The following MNAT1 variants were observed in gnomAD, a reference collection of about 807,000 sequenced individuals.
The protein encoded by MNAT1 is CDK-activating kinase assembly factor MAT1.
MNAT1 carries 43 observed loss-of-function variants against 42.0 expected under a neutral mutation model. That is an observed-to-expected ratio of 1.02 (90% CI 0.80 to 1.32). MNAT1 has a LOEUF of 1.32. MNAT1 is among the 40% of genes most tolerant of loss of function. The probability of loss-of-function intolerance (pLI) is 0.00; values close to 1 mark genes in which losing one functional copy is unlikely to be tolerated. For synonymous variants in MNAT1, 118 were observed against 120.0 expected (o/e 0.98, Z 0.11); for missense variants, 306 against 350.4 (o/e 0.87, Z 1.01).
chr14:60,803,514 A>G (rs139279907), intron 3 of MNAT1, among the ~76,000 whole-genome samples: 1 of 152,324 alleles, frequency 6.6e-6, no homozygotes, highest in African/African-American at 2.4e-5. Context: ...TTGCTAGTAA[A>G]GAATGGAGCC....
intron 7 of MNAT1, among the ~76,000 whole-genome samples, chr14:60,887,625 C>CA (rs1161178493): frequency 3.3e-5 from 5 of 151,584 alleles, no homozygotes. Flanking sequence ...AATAGAGACA[C>CA]AAAAAACCCT....
chr14:60,930,206 TTTA>T (rs71114168), intron 7 of MNAT1, among the ~76,000 whole-genome samples: 9,074 of 138,684 alleles, frequency 0.065, 468 homozygotes, highest in South Asian at 0.21. Context: ...TTCTTCCGTC[TTTA>T]TTATTATTAT....
At chr14:60,905,447 G>C (rs900552395) in intron 7 of MNAT1, among the ~76,000 whole-genome samples, 1 of 152,154 alleles carries the variant, frequency 6.6e-6, no homozygotes, top group Non-Finnish European at 1.5e-5. Context: ...GACATTTAGA[G>C]ATACATAAGA....
chr14:60,771,223 T>C (rs1397899982), intron 1 of MNAT1, among the ~76,000 whole-genome samples: 2 of 152,176 alleles, frequency 1.3e-5, no homozygotes, highest in Non-Finnish European at 2.9e-5. Flanking sequence ...CATTTGGTAT[T>C]GTCAGACTTT....
rs187370951 is a variant in MNAT1, at chr14:60,895,092, T to C, written c.809+15257T>C. On this transcript the variant is annotated intron_variant, in intron 7 of 7. Coordinates refer to ENST00000261245, the MANE Select transcript of MNAT1 (RefSeq NM_002431.4). ...GGATTACATTCTATACAGAGGACTT[T>C]AGTTATTAGAGCCAGGATTAGCTCA... Among the ~76,000 whole-genome samples, 257 of 152,328 alleles carry C rather than the reference T, an allele frequency of 1.7e-3. 1 individual carries two copies. Among genetic ancestry groups the C allele is most frequent in the African/African-American group, 5.4e-3 (224 of 41,566 alleles).
intron 7 of MNAT1, among the ~76,000 whole-genome samples, chr14:60,943,611 T>C (rs2036218834): frequency 2.9e-5 from 1 of 35,056 alleles, no homozygotes; most frequent in Non-Finnish European, 1.8e-4. Flanking sequence ...GAAGGATTTG[T>C]TTCTCTTTTT....
intron 6 of MNAT1, among the ~76,000 whole-genome samples, chr14:60,857,558 T>C (rs2033991514): frequency 6.6e-6 from 1 of 152,188 alleles, no homozygotes; most frequent in Non-Finnish European, 1.5e-5. Flanking sequence ...ATAAACTTAG[T>C]TGATAAAGCA....
chr14:60,922,231 C>T (rs1460725005), intron 7 of MNAT1, among the ~76,000 whole-genome samples: 1 of 152,046 alleles, frequency 6.6e-6, no homozygotes, highest in African/African-American at 2.4e-5. Context: ...GAACTTTTGG[C>T]AGTGAGTCAG....
intron 6 of MNAT1, among the ~76,000 whole-genome samples, chr14:60,826,323 T>C (rs960998550): frequency 1.4e-4 from 20 of 145,548 alleles, no homozygotes; most frequent in African/African-American, 5.2e-4. Context: ...TTTTTTTTTT[T>C]TTTTTTTTTT....
At chr14:60,843,169 A>G (rs2033594342) in intron 6 of MNAT1, among the ~76,000 whole-genome samples, 1 of 152,064 alleles carries the variant, frequency 6.6e-6, no homozygotes, top group South Asian at 2.1e-4. Flanking sequence ...CAATCTTTTT[A>G]ATTTTAGTTA....
At chr14:60,865,712 AAAAC>A (rs1447517477) in intron 6 of MNAT1, among the ~76,000 whole-genome samples, 1 of 152,168 alleles carries the variant, frequency 6.6e-6, no homozygotes, top group Non-Finnish European at 1.5e-5. Context: ...TATAACAACA[AAAAC>A]AAACAAAATA....
At chr14:60,791,929 C>T (rs907354214) in intron 1 of MNAT1, among the ~76,000 whole-genome samples, 3 of 151,986 alleles carry the variant, frequency 2.0e-5, no homozygotes, top group Non-Finnish European at 4.4e-5. Context: ...CTCATGGTGA[C>T]GGTTAGGAAG....
intron 1 of MNAT1, chr14:60,780,207 A>G: frequency 6.8e-7 from 1 of 1,463,016 alleles, no homozygotes; most frequent in East Asian, 2.3e-5. Flanking sequence ...GATTGGTTAT[A>G]CAAGTGTTCA....
chr14:60,891,462 T>A (rs2034842270), intron 7 of MNAT1, among the ~76,000 whole-genome samples: 1 of 152,150 alleles, frequency 6.6e-6, no homozygotes, highest in Non-Finnish European at 1.5e-5. Flanking sequence ...GTTTGTTTTT[T>A]TTTTGAGACA....
intron 1 of MNAT1, among the ~76,000 whole-genome samples, chr14:60,792,883 T>C (rs1002078483): frequency 1.3e-5 from 2 of 152,234 alleles, no homozygotes; most frequent in Non-Finnish European, 2.9e-5. Context: ...TTTTCTGTTT[T>C]CTGCAGAATG....
intron 7 of MNAT1, among the ~76,000 whole-genome samples, chr14:60,895,333 G>T (rs536619457): frequency 4.4e-4 from 67 of 152,290 alleles, no homozygotes; most frequent in Non-Finnish European, 5.1e-4. Context: ...TGAAGAAGTT[G>T]CTTTGTGAAG....
chr14:60,815,164 G>T (rs540326453), intron 5 of MNAT1, among the ~76,000 whole-genome samples: 1 of 151,532 alleles, frequency 6.6e-6, no homozygotes, highest in Admixed American at 6.6e-5. Context: ...AAAGTTTTTA[G>T]ATTTTATTTT....
At chr14:60,868,994 A>G (rs1041828289) in intron 6 of MNAT1, among the ~76,000 whole-genome samples, 9 of 146,262 alleles carry the variant, frequency 6.2e-5, no homozygotes, top group African/African-American at 1.7e-4. Flanking sequence ...ACATCACATG[A>G]CAACTTTTTT....
In MNAT1 at chr14:60,818,775, T is replaced by A; in HGVS notation, c.615T>A (p.Ser205=). 1 of 1,612,868 alleles carries A rather than the reference T, an allele frequency of 6.2e-7. No homozygotes were observed. Among genetic ancestry groups the A allele is most frequent in the Admixed American group, 1.7e-5 (1 of 59,992 alleles). ...ALLLAQHKDR[S]TQLEMQLEKP... ...TTTTGGCTCAGCATAAAGATAGATC[T>A]ACCCAATTAGAAATGCAACTTGAGA... The change falls in exon 6 of 8, where the codon TCT becomes TCA. Residue 205 remains serine, a synonymous_variant. Transcript: ENST00000261245.
Sources: gnomAD v4.1 joint callset for allele counts (sites outside exome capture counted in the v4.1 genomes callset) on GRCh38, gnomAD v4.1.1 for gene constraint, MANE v1.5 for transcripts, NCBI Gene and HGNC (gene_info 2026-07-23, HGNC 2026-07-21) for gene names.